The following RIC1 variants were observed in gnomAD, a reference collection of about 807,000 sequenced individuals.
The protein encoded by RIC1 is guanine nucleotide exchange factor subunit RIC1.
RIC1 carries 88 observed loss-of-function variants against 169.0 expected under a neutral mutation model. The observed-to-expected ratio is 0.52, with a 90% CI of 0.44 to 0.62. The LOEUF (loss-of-function observed/expected upper bound fraction) is 0.62, where lower values mean the gene tolerates loss of function less well. Ranked by LOEUF, RIC1 falls within the 20% of genes least tolerant of loss-of-function variation. The probability of loss-of-function intolerance (pLI) is 0.00; values close to 1 mark genes in which losing one functional copy is unlikely to be tolerated. For missense variants in RIC1, 1,877 were observed against 1,725.5 expected (o/e 1.09, Z -1.56); for synonymous variants, 790 against 601.5 (o/e 1.31, Z -4.59).
chr9:5,654,753 A>ATG (rs2130435731), intron 1 of RIC1, among the ~76,000 whole-genome samples: 1 of 152,082 alleles, frequency 6.6e-6, no homozygotes, highest in South Asian at 2.1e-4. Flanking sequence ...GGGTTTCACC[A>ATG]TGTTGGCCAG....
At chr9:5,764,572 C>G (rs958425903) in intron 19 of RIC1, among the ~76,000 whole-genome samples, 2 of 152,188 alleles carry the variant, frequency 1.3e-5, no homozygotes, top group African/African-American at 4.8e-5. Flanking sequence ...AACCATAAAC[C>G]TGGTTTCAAT....
At chr9:5,772,347 G>A (rs984056250) in intron 23 of RIC1, among the ~76,000 whole-genome samples, 3 of 152,026 alleles carry the variant, frequency 2.0e-5, no homozygotes, top group African/African-American at 7.2e-5. Flanking sequence ...CATAGGTGGT[G>A]GTAGTATATT....
chr9:5,694,947 C>G (rs1821802839), intron 3 of RIC1, among the ~76,000 whole-genome samples: 1 of 152,000 alleles, frequency 6.6e-6, no homozygotes, highest in African/African-American at 2.4e-5. Context: ...TACTAGAGAT[C>G]TAACAGTGGA....
intron 4 of RIC1, among the ~76,000 whole-genome samples, chr9:5,714,328 G>A (rs1044301256): frequency 1.3e-5 from 2 of 152,142 alleles, no homozygotes; most frequent in Admixed American, 6.5e-5. Flanking sequence ...TTGAGGAAAA[G>A]AGAAAGTGCC....
intron 4 of RIC1, chr9:5,719,018 C>T (rs1241516303): frequency 2.0e-5 from 3 of 152,020 alleles, no homozygotes; most frequent in Non-Finnish European, 4.4e-5. Flanking sequence ...GAAATATGCT[C>T]TTAAGTATGA....
chr9:5,703,499 C>T (rs1416581781), intron 3 of RIC1, among the ~76,000 whole-genome samples: 1 of 152,182 alleles, frequency 6.6e-6, no homozygotes, highest in African/African-American at 2.4e-5. Context: ...GCTCTCAGCC[C>T]CTAGAACCAT....
At chr9:5,750,022 C>G (rs934581142) in intron 12 of RIC1, among the ~76,000 whole-genome samples, 4 of 152,008 alleles carry the variant, frequency 2.6e-5, no homozygotes, top group Admixed American at 2.0e-4. Flanking sequence ...TGTGATCCAC[C>G]TGCCTCAGCC....
intron 2 of RIC1, among the ~76,000 whole-genome samples, chr9:5,680,563 G>C (rs532010600): frequency 2.0e-5 from 3 of 152,094 alleles, no homozygotes; most frequent in Non-Finnish European, 4.4e-5. Flanking sequence ...TCCTGGTTTA[G>C]TCTTGGGAAG....
chr9:5,696,882 T>G (rs993912398), intron 3 of RIC1, among the ~76,000 whole-genome samples: 1 of 152,238 alleles, frequency 6.6e-6, no homozygotes, highest in Non-Finnish European at 1.5e-5. Context: ...GAGATCTTAC[T>G]GATCTTTTGA....
chr9:5,774,312 C>A lies in RIC1; in HGVS notation c.*66C>A. The A allele has an allele frequency of 7.3e-7, 1 of 1,374,424 alleles. No individual in the cohort carries two copies. The highest frequency in any genetic ancestry group is 9.9e-7 in the Non-Finnish European group (1 of 1,014,144). 85.1% of individuals were successfully genotyped at this position (1,374,424 alleles called of 1,614,324 possible). A position where few individuals can be genotyped will look rare whatever the true frequency, so the allele number is the denominator to read the frequency against. On this transcript the variant is annotated 3_prime_UTR_variant, in exon 26 of 26. Transcript: ENST00000414202. Reference sequence around the variant, plus strand: ...CAGCGTGCAGCTCAGTACGTTGTAACATAGTTGGATGATTTAACAGGAGAA... The same window carrying A: ...CAGCGTGCAGCTCAGTACGTTGTAAAATAGTTGGATGATTTAACAGGAGAA...
chr9:5,691,414 A>T (rs948459503), intron 3 of RIC1, among the ~76,000 whole-genome samples: 2 of 151,980 alleles, frequency 1.3e-5, no homozygotes, highest in African/African-American at 4.8e-5. Flanking sequence ...TTGTTTTTGT[A>T]ACAAGTATAG....
At position 5,676,403 on chromosome 9, in the gene RIC1, A is replaced by G. The variant is rs62557378; in HGVS notation, c.253-13556A>G. ...TAATAGTAAATTTTGGGAGGTGTCTATGTTCTAGGCACTGTTGTAGTGCTT... is the reference window on the plus strand; with the variant it reads ...TAATAGTAAATTTTGGGAGGTGTCTGTGTTCTAGGCACTGTTGTAGTGCTT... On this transcript the variant is annotated intron_variant, in intron 2 of 25. Coordinates refer to ENST00000414202, the MANE Select transcript of RIC1 (RefSeq NM_020829.4). 1.6e-3 allele frequency among the ~76,000 whole-genome samples: 238 copies of G among 152,272 alleles called. 1 individual carries two copies. The Middle Eastern group carries it at 0.017, about 11-fold the overall frequency.
intron 1 of RIC1, among the ~76,000 whole-genome samples, chr9:5,651,959 C>T (rs2381361): frequency 0.29 from 44,868 of 152,108 alleles, 7,823 homozygotes; most frequent in East Asian, 0.59. Context: ...TTCCCAGCAC[C>T]ATTTATTAGA....
intron 2 of RIC1, among the ~76,000 whole-genome samples, chr9:5,682,507 C>T (rs201644726): frequency 2.3e-3 from 348 of 152,136 alleles, no homozygotes; most frequent in African/African-American, 8.0e-3. Flanking sequence ...TCTGGCTTGT[C>T]GAGTTTCTGC....
chr9:5,663,341 T>C (rs1819565659), intron 2 of RIC1, among the ~76,000 whole-genome samples: 1 of 152,226 alleles, frequency 6.6e-6, no homozygotes, highest in African/African-American at 2.4e-5. Context: ...ATCTGTCAGG[T>C]CCACTTGATC....
Position 5,687,234 on chromosome 9 carries a change from A to G in RIC1, c.253-2725A>G, listed in dbSNP as rs138576766. 8.4e-4 allele frequency among the ~76,000 whole-genome samples: 128 copies of G among 152,278 alleles called. 1 individual carries two copies. In the East Asian group the frequency reaches 0.011, roughly 13 times the overall value. ...TCTTTTTTGCCTGATCAGTGTGACCAGAAATATGTCAGTTTTAGTGATCTT... is the reference window on the plus strand; with the variant it reads ...TCTTTTTTGCCTGATCAGTGTGACCGGAAATATGTCAGTTTTAGTGATCTT... On this transcript the variant is annotated intron_variant, in intron 2 of 25. Transcript: ENST00000414202.
At chr9:5,688,406 G>T (rs978483155) in intron 2 of RIC1, among the ~76,000 whole-genome samples, 13 of 152,130 alleles carry the variant, frequency 8.5e-5, no homozygotes, top group African/African-American at 2.9e-4. Context: ...CTTGATGCCA[G>T]TGTTTTGAAA....
intron 6 of RIC1, among the ~76,000 whole-genome samples, chr9:5,722,256 A>ATTT (rs771921878): frequency 2.2e-4 from 22 of 98,548 alleles, no homozygotes; most frequent in African/African-American, 7.9e-4. Flanking sequence ...GGAGGAAGAG[A>ATTT]TTTTTTTTTT....
chr9:5,683,559 G>C (rs924054148), intron 2 of RIC1, among the ~76,000 whole-genome samples: 13 of 152,184 alleles, frequency 8.5e-5, no homozygotes, highest in Non-Finnish European at 1.3e-4. Flanking sequence ...TGTCCCTACT[G>C]GGGGGTGCCC....
Sources: allele counts gnomAD v4.1 joint callset (sites outside exome capture counted in the v4.1 genomes callset), GRCh38; gene constraint gnomAD v4.1.1; transcripts MANE v1.5; gene names NCBI Gene and HGNC (gene_info 2026-07-23, HGNC 2026-07-21).